Variants in NRXN3 observed in about 807,000 individuals in gnomAD.
NRXN3 encodes neurexin III.
In NRXN3, 32 loss-of-function variants were observed where a neutral mutation model predicts 137.6. That is an observed-to-expected ratio of 0.23 (90% CI 0.18 to 0.31). The LOEUF (loss-of-function observed/expected upper bound fraction) is 0.31. Among genes scored for constraint, NRXN3 ranks in the 10% least tolerant of loss-of-function variants. NRXN3 has a pLI of 1.00. For synonymous variants in NRXN3, 798 were observed against 784.5 expected (o/e 1.02, Z -0.29); for missense variants, 1,574 against 2,062.5 (o/e 0.76, Z 4.59).
intron 16 of NRXN3, among the ~76,000 whole-genome samples, chr14:79,662,928 CAGG>C (rs2098541176): frequency 6.6e-6 from 1 of 152,084 alleles, no homozygotes; most frequent in Admixed American, 6.6e-5. Context: ...TACAACTGAA[CAGG>C]AGATTTGGGT....
intron 1 of NRXN3, among the ~76,000 whole-genome samples, chr14:78,215,928 A>C (rs964748465): frequency 1.6e-4 from 24 of 152,290 alleles, no homozygotes; most frequent in African/African-American, 5.8e-4. Context: ...AGATAATAAA[A>C]ACTCAGCCTC....
chr14:78,732,132 G>A (rs1218505803), intron 8 of NRXN3, among the ~76,000 whole-genome samples: 1 of 152,156 alleles, frequency 6.6e-6, no homozygotes, highest in Non-Finnish European at 1.5e-5. Flanking sequence ...ATTAGCAAAT[G>A]AAAGGAGTAC....
chr14:78,831,268 AG>A (rs1378611263), intron 10 of NRXN3, among the ~76,000 whole-genome samples: 10 of 152,082 alleles, frequency 6.6e-5, no homozygotes, highest in African/African-American at 2.4e-4. Flanking sequence ...TCACTGAAAA[AG>A]AATAGAACAA....
chr14:79,818,273 A>T (rs866461229), intron 20 of NRXN3, among the ~76,000 whole-genome samples: 35 of 151,994 alleles, frequency 2.3e-4, no homozygotes, highest in African/African-American at 3.6e-4. Flanking sequence ...CAGGATGGTC[A>T]TGATCTCCTG....
chr14:78,807,734 C>CAAAA (rs144921592), intron 9 of NRXN3, among the ~76,000 whole-genome samples: 13 of 111,696 alleles, frequency 1.2e-4, no homozygotes, highest in African/African-American at 3.9e-4. Flanking sequence ...GATTCTGTCT[C>CAAAA]AAAAAAAAAA....
chr14:79,474,842 A>G (rs2096545769), intron 16 of NRXN3, among the ~76,000 whole-genome samples: 1 of 151,918 alleles, frequency 6.6e-6, no homozygotes, highest in African/African-American at 2.4e-5. Flanking sequence ...GAGGAGGAGG[A>G]AGGAGGAGGA....
intron 5 of NRXN3, among the ~76,000 whole-genome samples, chr14:78,649,581 A>G (rs1341055089): frequency 2.6e-5 from 3 of 113,568 alleles, no homozygotes; most frequent in African/African-American, 1.1e-4. Flanking sequence ...TTTTTTTTTT[A>G]AATCTCTATT....
intron 19 of NRXN3, among the ~76,000 whole-genome samples, chr14:79,708,997 G>C (rs544562622): frequency 1.3e-5 from 2 of 151,824 alleles, no homozygotes; most frequent in East Asian, 3.9e-4. Flanking sequence ...GAGAGAGAGA[G>C]AGACAGGGAG....
chr14:79,610,479 A>G (rs1179962760), intron 16 of NRXN3, among the ~76,000 whole-genome samples: 2 of 152,304 alleles, frequency 1.3e-5, no homozygotes, highest in East Asian at 3.9e-4. Context: ...CAAGAGAGAA[A>G]CTAGCATTTG....
intron 4 of NRXN3, among the ~76,000 whole-genome samples, chr14:78,476,309 C>G (rs746570973): frequency 6.6e-6 from 1 of 152,144 alleles, no homozygotes; most frequent in Non-Finnish European, 1.5e-5. Context: ...GGTAGAGTGA[C>G]TGGGAAGGCT....
intron 10 of NRXN3, among the ~76,000 whole-genome samples, chr14:78,929,546 T>C (rs1191068788): frequency 2.0e-5 from 3 of 152,220 alleles, no homozygotes; most frequent in African/African-American, 7.2e-5. Context: ...CTCATTCTTT[T>C]TTATGGCTGC....
intron 4 of NRXN3, among the ~76,000 whole-genome samples, chr14:78,476,642 GT>G (rs1204469895): frequency 6.6e-6 from 1 of 152,062 alleles, no homozygotes; most frequent in Non-Finnish European, 1.5e-5. Flanking sequence ...TCAGAGACAG[GT>G]GTAATATTTA....
At chr14:79,128,435 CAT>C (rs2056915875) in intron 15 of NRXN3, among the ~76,000 whole-genome samples, 1 of 149,778 alleles carries the variant, frequency 6.7e-6, no homozygotes, top group Non-Finnish European at 1.5e-5. Flanking sequence ...TTGAGATAAT[CAT>C]GTGGTTTTTG....
intron 8 of NRXN3, among the ~76,000 whole-genome samples, chr14:78,767,321 A>T (rs547838534): frequency 6.6e-6 from 1 of 152,376 alleles, no homozygotes; most frequent in East Asian, 1.9e-4. Context: ...TAAAGGCAGT[A>T]AAGAAATACA....
chr14:79,159,155 A>C (rs1203945997), intron 15 of NRXN3, among the ~76,000 whole-genome samples: 1 of 151,800 alleles, frequency 6.6e-6, no homozygotes, highest in East Asian at 1.9e-4. Context: ...CATCCCCCAA[A>C]ACTGTTGCCA....
chr14:78,396,895 G>C (rs927882834), intron 4 of NRXN3, among the ~76,000 whole-genome samples: 1 of 152,092 alleles, frequency 6.6e-6, no homozygotes, highest in Non-Finnish European at 1.5e-5. Flanking sequence ...CTGAGATCAG[G>C]GTGCCGGGTG....
intron 15 of NRXN3, among the ~76,000 whole-genome samples, chr14:79,066,905 T>C (rs193024817): frequency 1.3e-5 from 2 of 152,154 alleles, no homozygotes; most frequent in Non-Finnish European, 2.9e-5. Context: ...ATCAATGTCA[T>C]CTGCAAACAA....
chr14:78,865,327 G>T (rs1567552651), intron 10 of NRXN3, among the ~76,000 whole-genome samples: 1 of 152,192 alleles, frequency 6.6e-6, no homozygotes, highest in East Asian at 1.9e-4. Flanking sequence ...GGCAGATAAT[G>T]CAGTGTTAAC....
intron 6 of NRXN3, among the ~76,000 whole-genome samples, chr14:78,686,703 A>T (rs1337438820): frequency 6.6e-6 from 1 of 152,222 alleles, no homozygotes; most frequent in African/African-American, 2.4e-5. Flanking sequence ...GAAGTAAAAA[A>T]TCAAAATCTA....
Sources: gnomAD v4.1 joint callset for allele counts (sites outside exome capture counted in the v4.1 genomes callset) on GRCh38, gnomAD v4.1.1 for gene constraint, MANE v1.5 for transcripts, NCBI Gene and HGNC (gene_info 2026-07-23, HGNC 2026-07-21) for gene names.